The following HECTD4 variants were observed in gnomAD, a reference collection of about 807,000 sequenced individuals.
HECTD4 encodes HECT domain E3 ubiquitin protein ligase 4.
A neutral mutation model predicts 471.5 loss-of-function variants in HECTD4; 114 were observed. The ratio of observed to expected loss-of-function variants is 0.24; its 90% CI spans 0.21 to 0.28. The LOEUF (loss-of-function observed/expected upper bound fraction) is 0.28. Ranked by LOEUF, HECTD4 falls within the 10% of genes least tolerant of loss-of-function variation. The pLI is 1.00. For synonymous variants in HECTD4, 2,012 were observed against 2,256.0 expected (o/e 0.89, Z 3.07); for missense variants, 3,866 against 5,651.5 (o/e 0.68, Z 10.13).
At position 112,235,326 on chromosome 12, in the gene HECTD4, T is replaced by C. The variant is rs989008500; in HGVS notation, c.5726-60A>G. The stretch of plus-strand genomic sequence containing the variant: ...TGCAGTGTTGTTTTGGCGGCTCTGC[T>C]AAAATGAAAAATAATGGTTTGGGAT... On this transcript the variant is annotated intron_variant, in intron 36 of 75. Transcript: ENST00000682272. The surrounding 1 kb of genome is among the most constrained non-coding windows in gnomAD (Gnocchi z 5.0). 1.9e-6 allele frequency: 3 copies of C among 1,544,186 alleles called. No individual in the cohort carries two copies. The highest frequency in any genetic ancestry group is 1.7e-4 in the Middle Eastern group (1 of 5,796).
At chr12:112,234,710 A>G (rs2033460274) in intron 37 of HECTD4, among the ~76,000 whole-genome samples, 1 of 152,252 alleles carries the variant, frequency 6.6e-6, no homozygotes, top group African/African-American at 2.4e-5. Context: ...ATTTACCAAC[A>G]GCTGAAGGAT....
intron 55 of HECTD4, 72 bp from the exon 56 acceptor site, chr12:112,195,138 G>T: frequency 7.4e-7 from 1 of 1,351,986 alleles, no homozygotes; most frequent in South Asian, 1.4e-5. Context: ...CCAGGCCGCA[G>T]GTTCTGAAGG....
At chr12:112,367,102 G>A (rs1305834774) in intron 1 of HECTD4, among the ~76,000 whole-genome samples, 1 of 151,066 alleles carries the variant, frequency 6.6e-6, no homozygotes, top group Non-Finnish European at 1.5e-5. Context: ...AGGAGTACGA[G>A]ACCCGTCTGG....
intron 72 of HECTD4, 119 bp from the exon 73 acceptor site, chr12:112,164,394 T>A: frequency 1.9e-6 from 2 of 1,038,416 alleles, no homozygotes; most frequent in Admixed American, 4.6e-5. Flanking sequence ...GCCGTGTAGA[T>A]GAGCATGTGA....
rs117886916 is a variant in HECTD4, at chr12:112,371,504, G to A, written c.177+10448C>T. On this transcript the variant is annotated intron_variant, in intron 1 of 75. Coordinates refer to ENST00000682272, the MANE Select transcript of HECTD4 (RefSeq NM_001388303.1). Reference sequence around the variant, plus strand: ...GCAGAAGAATAGCTTGAACCCAAGAGGCGGAGGTTTTAGTGAGCCGAGATC... The same window carrying A: ...GCAGAAGAATAGCTTGAACCCAAGAAGCGGAGGTTTTAGTGAGCCGAGATC... Among the ~76,000 whole-genome samples, 152 of 152,098 alleles carry A rather than the reference G, an allele frequency of 1.0e-3. 3 individuals are homozygous for A. The East Asian group carries it at 0.027, about 27-fold the overall frequency.
chr12:112,192,264 G>T (rs1429680198), intron 59 of HECTD4, among the ~76,000 whole-genome samples: 1 of 152,234 alleles, frequency 6.6e-6, no homozygotes, highest in Non-Finnish European at 1.5e-5. Context: ...GGATGTGATT[G>T]CTCTGGTTGT....
At position 112,217,149 on chromosome 12, in the gene HECTD4, C is replaced by A; in HGVS notation, c.7121G>T (p.Arg2374Leu). 6.4e-7 allele frequency: 1 copy of A among 1,572,648 alleles called. No individual in the cohort carries two copies. The highest frequency in any genetic ancestry group is 8.6e-7 in the Non-Finnish European group (1 of 1,159,796). ...WSPSRVFPPV[R>L]ACMFSSHLTS... ...AAGGTGAGATGAGAACATGCAGGCT[C>A]GAACAGGCGGAAACACTCGCGAGGG... The change falls in exon 46 of 76, where the codon CGA becomes CTA. Residue 2374 changes from arginine to leucine, a missense_variant. Physicochemically the swap from Arg to Leu is moderately radical, Grantham distance 102. Coordinates refer to ENST00000682272, the MANE Select transcript of HECTD4 (RefSeq NM_001388303.1).
At chr12:112,248,709 T>G (rs527943586) in intron 25 of HECTD4, among the ~76,000 whole-genome samples, 197 bp from the exon 26 acceptor site, 19 of 152,164 alleles carry the variant, frequency 1.2e-4, no homozygotes, top group Non-Finnish European at 2.2e-4. Flanking sequence ...GCCTCCCAGG[T>G]AGCTGAGACT....
chr12:112,266,786 G>T, intron 14 of HECTD4, 126 bp downstream of exon 14: 2 of 671,552 alleles, frequency 3.0e-6, no homozygotes, highest in Non-Finnish European at 2.7e-6. Context: ...CTGGCCTGCA[G>T]ATACATTTCT....
At position 112,279,309 on chromosome 12, in the gene HECTD4, G is replaced by A; in HGVS notation, c.1606C>T (p.Leu536=). 1 of 1,612,662 alleles carries A rather than the reference G, an allele frequency of 6.2e-7. No individual in the cohort carries two copies. The highest frequency in any genetic ancestry group is 8.5e-7 in the Non-Finnish European group (1 of 1,179,104). ...CCTGATCCCCCTGGAGGAGGCACCAGCATCACCAAGTAGGTGCCACAGGTA... is the reference window on the plus strand; with the variant it reads ...CCTGATCCCCCTGGAGGAGGCACCAACATCACCAAGTAGGTGCCACAGGTA... ...IYTCGTYLVM[L]VPPPGGSGSS... The change falls in exon 9 of 76, where the codon CTG becomes TTG. Residue 536 remains leucine, a synonymous_variant. Transcript: ENST00000682272.
At chr12:112,293,559 C>A (rs973532102) in intron 7 of HECTD4, among the ~76,000 whole-genome samples, 4 of 151,942 alleles carry the variant, frequency 2.6e-5, no homozygotes. Context: ...ATCAATCAAT[C>A]AATCAATCTT....
intron 7 of HECTD4, among the ~76,000 whole-genome samples, chr12:112,292,219 C>T (rs2034903081): frequency 6.6e-6 from 1 of 152,200 alleles, no homozygotes; most frequent in Non-Finnish European, 1.5e-5. Context: ...AACAAGCCAA[C>T]CTCATGCCTA....
chr12:112,252,547 G>C lies in HECTD4; in HGVS notation c.3448-19C>G. ...CTTCCACCTTAAAATTTAAGGAAGG[G>C]GGGGAAATGCACTTTAAAAACAAGA... On this transcript the variant is annotated intron_variant, in intron 22 of 75. Transcript: ENST00000682272. 1.2e-6 allele frequency: 2 copies of C among 1,600,576 alleles called. No individual in the cohort carries two copies. The highest frequency in any genetic ancestry group is 1.7e-6 in the Non-Finnish European group (2 of 1,175,376).
intron 22 of HECTD4, among the ~76,000 whole-genome samples, 153 bp downstream of exon 22, chr12:112,253,890 G>A (rs2033950538): frequency 6.6e-6 from 1 of 151,928 alleles, no homozygotes; most frequent in Non-Finnish European, 1.5e-5. Context: ...ATTCTGAATA[G>A]AAGGAGTGAG....
chr12:112,309,075 C>T (rs1024747931), intron 5 of HECTD4, among the ~76,000 whole-genome samples, 184 bp from the exon 6 acceptor site: 4 of 152,162 alleles, frequency 2.6e-5, no homozygotes, highest in Non-Finnish European at 5.9e-5. Flanking sequence ...CAAATATTGA[C>T]TTTCCACAAT....
chr12:112,162,863 C>CT lies in HECTD4; in HGVS notation c.13120+178dup. 1.7e-6 allele frequency: 1 copy of CT among 582,092 alleles called. No individual in the cohort carries two copies. The highest frequency in any genetic ancestry group is 3.0e-6 in the Non-Finnish European group (1 of 330,400). The allele number at this position is 582,092 out of a possible 1,614,324, so 36.1% of individuals were successfully genotyped here. On this transcript the variant is annotated intron_variant, in intron 75 of 75. Coordinates refer to ENST00000682272, the MANE Select transcript of HECTD4 (RefSeq NM_001388303.1). This position sits in a 1 kb window ranked among gnomAD's most constrained non-coding sequence, Gnocchi z 5.2. Reference sequence around the variant, plus strand: ...CTTCTTTTAAGATATGAGAAAGTATCTAACAGCAGGCCTGTATGGCTGGTT... The same window carrying CT: ...CTTCTTTTAAGATATGAGAAAGTATCTTAACAGCAGGCCTGTATGGCTGGTT...
chr12:112,236,381 T>A (rs2033503328), intron 35 of HECTD4, among the ~76,000 whole-genome samples: 1 of 152,274 alleles, frequency 6.6e-6, no homozygotes. Context: ...TCTTTCTTAA[T>A]GAGTACCTCA....
intron 17 of HECTD4, chr12:112,261,736 T>C (rs2285810): frequency 0.43 from 89,229 of 205,234 alleles, 24,998 homozygotes; most frequent in East Asian, 0.9. Flanking sequence ...CAAGAAATAT[T>C]TCCCATCCCA....
At chr12:112,337,733 C>T (rs1346730771) in intron 1 of HECTD4, among the ~76,000 whole-genome samples, 9 of 152,144 alleles carry the variant, frequency 5.9e-5, no homozygotes, top group East Asian at 1.9e-4. Flanking sequence ...ACAGTATTAA[C>T]GGTTTTACTT....
Sources: allele counts gnomAD v4.1 joint callset (sites outside exome capture counted in the v4.1 genomes callset), GRCh38; gene constraint gnomAD v4.1.1; non-coding constraint Gnocchi (gnomAD v3.1); transcripts MANE v1.5; gene names NCBI Gene and HGNC (gene_info 2026-07-23, HGNC 2026-07-21).